The following GABRB1 variants were observed in gnomAD, a reference collection of about 807,000 sequenced individuals.
GABRB1 encodes gamma-aminobutyric acid receptor subunit beta-1.
GABRB1 carries 17 observed loss-of-function variants against 51.6 expected under a neutral mutation model. The ratio of observed to expected loss-of-function variants is 0.33; its 90% confidence interval spans 0.23 to 0.49. The LOEUF is 0.49. GABRB1 is among the 20% of genes least tolerant of loss of function. GABRB1 has a pLI of 0.99. For missense variants in GABRB1, 410 were observed against 600.6 expected, an observed-to-expected ratio of 0.68 and a Z score of 3.32; for synonymous variants, 247 against 218.9, an observed-to-expected ratio of 1.13 and a Z score of -1.14.
intron 3 of GABRB1, among the ~76,000 whole-genome samples, chr4:47,148,213 T>C (rs1208091054): frequency 1.3e-5 from 2 of 151,988 alleles, no homozygotes; most frequent in African/African-American, 4.8e-5. Context: ...GTTTGGTCAA[T>C]GGAGTGTTTG....
At chr4:47,358,007 CT>C (rs905777644) in intron 5 of GABRB1, among the ~76,000 whole-genome samples, 1 of 152,150 alleles carries the variant, frequency 6.6e-6, no homozygotes, top group African/African-American at 2.4e-5. Context: ...TTCAGAAACA[CT>C]TTTCTCCTTA....
At chr4:47,334,112 A>T (rs545789594) in intron 5 of GABRB1, among the ~76,000 whole-genome samples, 1 of 152,274 alleles carries the variant, frequency 6.6e-6, no homozygotes, top group East Asian at 1.9e-4. Flanking sequence ...TCAGATTCTG[A>T]GTTAGTGAGC....
At position 47,283,357 on chromosome 4, in the gene GABRB1, T is replaced by C. The variant is rs953849689; in HGVS notation, c.462-36770T>C. Among the ~76,000 whole-genome samples, 43 of 4,100 alleles carry C rather than the reference T, an allele frequency of 0.01. No homozygotes were observed. The East Asian group carries it at 0.11, about 11-fold the overall frequency. The allele number at this position is 4,100 out of a possible 152,430, so 2.7% of individuals were successfully genotyped here. On this transcript the variant is annotated intron_variant, in intron 4 of 8. Coordinates refer to ENST00000295454, the MANE Select transcript of GABRB1 (RefSeq NM_000812.4). ...GCAATGTTCCATACCTGGTGGCCCC[T>C]TTTTTTTTTTTTTTTTTTTTTTTTT...
At chr4:47,326,420 C>T (rs909963795) in intron 5 of GABRB1, among the ~76,000 whole-genome samples, 1 of 152,094 alleles carries the variant, frequency 6.6e-6, no homozygotes, top group Non-Finnish European at 1.5e-5. Flanking sequence ...ATTCATGTAA[C>T]TTTTATTACA....
At chr4:47,287,751 C>A (rs1244710056) in intron 4 of GABRB1, among the ~76,000 whole-genome samples, 1 of 152,202 alleles carries the variant, frequency 6.6e-6, no homozygotes, top group African/African-American at 2.4e-5. Context: ...CCAGCTGGCC[C>A]TTTCTTGCTA....
chr4:47,119,762 G>C (rs2109645609), intron 3 of GABRB1, among the ~76,000 whole-genome samples: 1 of 152,106 alleles, frequency 6.6e-6, no homozygotes, highest in South Asian at 2.1e-4. Flanking sequence ...GCCCACCTCG[G>C]CCTCCCAAAG....
intron 3 of GABRB1, among the ~76,000 whole-genome samples, chr4:47,065,170 TA>T (rs2109534995): frequency 6.6e-6 from 1 of 152,310 alleles, no homozygotes; most frequent in African/African-American, 2.4e-5. Flanking sequence ...GGCGACATTT[TA>T]AATGGCAGTA....
intron 5 of GABRB1, among the ~76,000 whole-genome samples, chr4:47,321,179 C>T (rs1208961738): frequency 6.6e-6 from 1 of 152,104 alleles, no homozygotes; most frequent in African/African-American, 2.4e-5. Context: ...TATAGTACCA[C>T]TTAATGTAAT....
chr4:47,334,851 G>A (rs779786626), intron 5 of GABRB1, among the ~76,000 whole-genome samples: 8 of 152,078 alleles, frequency 5.3e-5, no homozygotes, highest in East Asian at 1.9e-4. Context: ...AATTGTGGGC[G>A]TTTCTCATGA....
intron 3 of GABRB1, among the ~76,000 whole-genome samples, chr4:47,073,579 T>C (rs1370318853): frequency 6.6e-6 from 1 of 152,086 alleles, no homozygotes; most frequent in Non-Finnish European, 1.5e-5. Flanking sequence ...CTCAAACCAA[T>C]GGAAAAGTTG....
intron 4 of GABRB1, among the ~76,000 whole-genome samples, chr4:47,310,994 G>C (rs1724647722): frequency 7.4e-6 from 1 of 134,714 alleles, no homozygotes; most frequent in Non-Finnish European, 1.5e-5. Context: ...CTGGGAGGCA[G>C]AGGTTGCAGT....
At chr4:47,420,858 A>G (rs932694957) in intron 8 of GABRB1, among the ~76,000 whole-genome samples, 2 of 152,076 alleles carry the variant, frequency 1.3e-5, no homozygotes, top group African/African-American at 4.8e-5. Flanking sequence ...CCACATGTAT[A>G]CCTTACCTGA....
chr4:47,071,715 A>G lies in GABRB1; in HGVS notation c.240+39231A>G, dbSNP rs905006629. Among the ~76,000 whole-genome samples, 8 of 137,262 alleles carry G rather than the reference A, an allele frequency of 5.8e-5. No homozygotes were observed. The Admixed American group carries it at 6.2e-4, about 11-fold the overall frequency. 90.0% of individuals were successfully genotyped at this position (137,262 alleles called of 152,430 possible). On this transcript the variant is annotated intron_variant, in intron 3 of 8. Coordinates refer to ENST00000295454, the MANE Select transcript of GABRB1 (RefSeq NM_000812.4). ...TTGCATAAGGCTGGGACATTTATCT[A>G]TTTGGTTCTCTAATTTATTCCCAGT...
At chr4:47,034,054 T>C (rs889181100) in intron 3 of GABRB1, among the ~76,000 whole-genome samples, 4 of 152,172 alleles carry the variant, frequency 2.6e-5, no homozygotes, top group Admixed American at 2.6e-4. Context: ...ACAAGTTGTA[T>C]CATGTAGATT....
intron 3 of GABRB1, among the ~76,000 whole-genome samples, chr4:47,135,028 C>A (rs1402913009): frequency 2.0e-5 from 3 of 152,108 alleles, no homozygotes; most frequent in African/African-American, 7.2e-5. Context: ...AGAAGTCTCA[C>A]TTGATCCCAG....
intron 3 of GABRB1, among the ~76,000 whole-genome samples, chr4:47,159,315 T>C (rs1717837773): frequency 6.6e-6 from 1 of 151,916 alleles, no homozygotes. Flanking sequence ...AAAAGAGGCA[T>C]CTTAGGTGCA....
intron 1 of GABRB1, among the ~76,000 whole-genome samples, chr4:47,009,837 C>A: frequency 6.6e-6 from 1 of 152,056 alleles, no homozygotes. Context: ...CAGCCTGGAA[C>A]GGAAATAAAT....
At chr4:47,032,307 C>G (rs1273261812) in intron 2 of GABRB1, 110 bp from the exon 3 acceptor site, 3 of 1,009,832 alleles carry the variant, frequency 3.0e-6, no homozygotes, top group Non-Finnish European at 4.4e-6. Context: ...GTGGGGGGAG[C>G]AGGGAGGGAG....
At chr4:47,328,635 G>A (rs1046478936) in intron 5 of GABRB1, among the ~76,000 whole-genome samples, 2 of 152,104 alleles carry the variant, frequency 1.3e-5, no homozygotes, top group African/African-American at 4.8e-5. Flanking sequence ...GATGAAGCTG[G>A]AAACCATCAT....
Sources: gnomAD v4.1 joint callset for allele counts (sites outside exome capture counted in the v4.1 genomes callset) on GRCh38, gnomAD v4.1.1 for gene constraint, MANE v1.5 for transcripts, NCBI Gene and HGNC (gene_info 2026-07-23, HGNC 2026-07-21) for gene names.